The following ELF1 variants were observed in gnomAD, a reference collection of about 807,000 sequenced individuals.
The protein encoded by ELF1 is E74 like ETS transcription factor 1.
Under a neutral mutation model 59.9 loss-of-function variants are expected in ELF1, and 24 were observed. The observed-to-expected ratio is 0.40, with a 90% CI of 0.29 to 0.56. The LOEUF is 0.56. Among genes scored for constraint, ELF1 ranks in the 20% least tolerant of loss-of-function variants. The probability of loss-of-function intolerance (pLI) is 0.44; values close to 1 mark genes in which losing one functional copy is unlikely to be tolerated. For missense variants in ELF1, 627 were observed against 742.2 expected, an observed-to-expected ratio of 0.84 and a Z score of 1.80; for synonymous variants, 248 against 266.2, an observed-to-expected ratio of 0.93 and a Z score of 0.67.
At chr13:40,962,679 CAA>C (rs542393144) in intron 2 of ELF1, among the ~76,000 whole-genome samples, 27 of 69,170 alleles carry the variant, frequency 3.9e-4, no homozygotes, top group Admixed American at 5.0e-4. Context: ...AAGACTGTCT[CAA>C]AAAAAAAAAA....
chr13:40,963,657 C>T (rs962326146), intron 2 of ELF1, among the ~76,000 whole-genome samples: 2 of 152,122 alleles, frequency 1.3e-5, no homozygotes, highest in Admixed American at 1.3e-4. Context: ...GCCTGTAATC[C>T]CAGCACTTTG....
At chr13:41,045,594 G>C (rs932571483) in intron 1 of ELF1, among the ~76,000 whole-genome samples, 1 of 152,180 alleles carries the variant, frequency 6.6e-6, no homozygotes, top group Non-Finnish European at 1.5e-5. Context: ...ATGTAGTTTT[G>C]AGTGAGTTTC....
rs1447008810 is a variant in ELF1 at position 40,955,443 on chromosome 13, G to A, written c.253+3393C>T. Among the ~76,000 whole-genome samples the A allele has an allele frequency of 3.7e-5, 5 of 134,206 alleles. 1 individual carries two copies. Among genetic ancestry groups the A allele is most frequent in the Non-Finnish European group, 8.3e-5 (5 of 60,182 alleles). 88.0% of individuals were successfully genotyped at this position (134,206 alleles called of 152,430 possible). A position where few individuals can be genotyped will look rare whatever the true frequency, so the allele number is the denominator to read the frequency against. On this transcript the variant is annotated intron_variant, in intron 3 of 8. Transcript: ENST00000239882. ...GGTGGGGGGGTCAGCCCCCCGCCCG[G>A]CCAGCCGCCCCGTCCGGGAGGTGAG...
intron 2 of ELF1, among the ~76,000 whole-genome samples, chr13:40,969,135 T>C (rs754850467): frequency 2.6e-5 from 4 of 152,236 alleles, no homozygotes; most frequent in Non-Finnish European, 4.4e-5. Context: ...ATCATAGTTT[T>C]ACTGACTACA....
chr13:41,033,565 A>G (rs575229685), intron 1 of ELF1, among the ~76,000 whole-genome samples: 1 of 152,336 alleles, frequency 6.6e-6, no homozygotes, highest in East Asian at 1.9e-4. Flanking sequence ...ACCCCAAGGC[A>G]GGCGAGCATC....
chr13:40,938,295 C>A (rs1467159559), intron 8 of ELF1, among the ~76,000 whole-genome samples: 1 of 152,120 alleles, frequency 6.6e-6, no homozygotes, highest in African/African-American at 2.4e-5. Flanking sequence ...AAACTGGCTT[C>A]TTTTTGTAAA....
chr13:40,951,070 G>C (rs2138160311), intron 4 of ELF1, among the ~76,000 whole-genome samples: 1 of 152,238 alleles, frequency 6.6e-6, no homozygotes, highest in Admixed American at 6.5e-5. Context: ...AATATGTTAA[G>C]AGAAGAAATT....
At position 40,932,170 on chromosome 13, in the gene ELF1, AT is replaced by A. The variant is rs1317744672; in HGVS notation, c.*1254del. The A allele has an allele frequency of 1.3e-5, 2 of 150,556 alleles. No individual in the cohort carries two copies. Among genetic ancestry groups the A allele is most frequent in the Non-Finnish European group, 3.0e-5 (2 of 67,098 alleles). The allele number at this position is 150,556 out of a possible 1,614,324, so 9.3% of individuals were successfully genotyped here. On this transcript the variant is annotated 3_prime_UTR_variant, in exon 9 of 9. Coordinates refer to ENST00000239882, the MANE Select transcript of ELF1 (RefSeq NM_172373.4). ...TAGCATTAGACCTCTAAACATAATG[AT>A]TTTTTTCATCTACAAAAATTTCTGT... is the stretch of plus-strand genomic sequence containing the variant.
chr13:41,041,151 C>G (rs1876590629), intron 1 of ELF1, among the ~76,000 whole-genome samples: 1 of 149,836 alleles, frequency 6.7e-6, no homozygotes, highest in Non-Finnish European at 1.5e-5. Context: ...AGCATCATGG[C>G]TAGAATGCAG....
chr13:40,979,256 C>T (rs1343275788), intron 2 of ELF1, among the ~76,000 whole-genome samples: 2 of 151,596 alleles, frequency 1.3e-5, no homozygotes, highest in South Asian at 2.1e-4. Context: ...TATAGTGCTC[C>T]GTAAATATTA....
At chr13:41,050,845 G>A (rs190447193) in intron 1 of ELF1, among the ~76,000 whole-genome samples, 73 of 152,228 alleles carry the variant, frequency 4.8e-4, no homozygotes, top group Admixed American at 9.8e-4. Flanking sequence ...CACCACACCC[G>A]GCCTCTTTCA....
intron 1 of ELF1, among the ~76,000 whole-genome samples, chr13:41,039,631 T>C (rs1198456837): frequency 1.3e-5 from 2 of 152,210 alleles, no homozygotes; most frequent in Admixed American, 6.5e-5. Flanking sequence ...AAGAGATATA[T>C]GTATTTAGTT....
Position 40,975,028 on chromosome 13 carries a change from G to T in ELF1, c.72+6955C>A, listed in dbSNP as rs559255069. Among the ~76,000 whole-genome samples the T allele has an allele frequency of 2.0e-5, 3 of 152,302 alleles. No individual in the cohort carries two copies. The South Asian group carries it at 6.2e-4, about 32-fold the overall frequency. On this transcript the variant is annotated intron_variant, in intron 2 of 8. Transcript: ENST00000239882. Reference sequence around the variant, plus strand: ...GTATATTAGTTTCACAAATGGCCAAGCTTTTAATGGATTTCTTAAGTTTGA... The same window carrying T: ...GTATATTAGTTTCACAAATGGCCAATCTTTTAATGGATTTCTTAAGTTTGA...
At chr13:40,934,370 T>G (rs1869619831) in intron 8 of ELF1, among the ~76,000 whole-genome samples, 1 of 151,874 alleles carries the variant, frequency 6.6e-6, no homozygotes, top group Non-Finnish European at 1.5e-5. Context: ...TGCATGAGCT[T>G]CTTAAAATTA....
At position 41,044,286 on chromosome 13, in the gene ELF1, A is replaced by C. The variant is rs1304212629; in HGVS notation, c.-229+16552T>G. ...CTCTTTTCCTAATTGAATACCCTTT[A>C]TTTCTTTCTCCTGCCTAATTGCCCT... On this transcript the variant is annotated intron_variant, in intron 1 of 1. Transcript: ENST00000405737. Among the ~76,000 whole-genome samples the C allele has an allele frequency of 2.0e-5, 3 of 152,188 alleles. No homozygotes were observed. In the East Asian group the frequency reaches 5.8e-4, roughly 29 times the overall value.
At chr13:40,977,077 TAC>T (rs775067797) in intron 2 of ELF1, among the ~76,000 whole-genome samples, 31 of 152,084 alleles carry the variant, frequency 2.0e-4, no homozygotes, top group African/African-American at 5.3e-4. Context: ...GAAAAAAAAA[TAC>T]AGTGTTTTTT....
At chr13:40,993,187 C>T (rs1873954703) in intron 1 of ELF1, 2 of 1,513,502 alleles carry the variant, frequency 1.3e-6, no homozygotes, top group South Asian at 2.3e-5. Context: ...CCTGCATTTT[C>T]CCCTTTCTTC....
chr13:41,056,075 A>AT (rs1046179979), intron 1 of ELF1, among the ~76,000 whole-genome samples: 1 of 152,180 alleles, frequency 6.6e-6, no homozygotes, highest in African/African-American at 2.4e-5. Flanking sequence ...TATTTAGTGC[A>AT]TTTATAGAGT....
At chr13:41,041,808 T>C (rs7981169) in intron 1 of ELF1, among the ~76,000 whole-genome samples, 127,834 of 152,048 alleles carry the variant, frequency 0.84, 54,864 homozygotes, top group Non-Finnish European at 0.92. Context: ...TTAGGTGGAC[T>C]CAAGATTCTC....
Sources: allele counts gnomAD v4.1 joint callset (sites outside exome capture counted in the v4.1 genomes callset), GRCh38; gene constraint gnomAD v4.1.1; transcripts MANE v1.5; gene names NCBI Gene and HGNC (gene_info 2026-07-23, HGNC 2026-07-21).